Variants in NEURL4 observed in about 807,000 individuals in gnomAD.
NEURL4 encodes the protein neuralized-like protein 4.
A neutral mutation model predicts 148.0 loss-of-function variants in NEURL4; 45 were observed. That is an observed-to-expected ratio of 0.30 (90% confidence interval 0.24 to 0.39). The LOEUF (loss-of-function observed/expected upper bound fraction) is 0.39, where lower values mean the gene tolerates loss of function less well. NEURL4 is among the 10% of genes least tolerant of loss of function. The pLI is 1.00. For synonymous variants in NEURL4, 854 were observed against 869.0 expected (o/e 0.98, Z 0.30); for missense variants, 1,776 against 2,144.0 (o/e 0.83, Z 3.39).
intron 8 of NEURL4, 65 bp downstream of exon 8, chr17:7,325,144 T>TTGGGGGGGG: frequency 8.4e-5 from 80 of 956,332 alleles, no homozygotes; most frequent in Non-Finnish European, 1.2e-4. Context: ...TCCACTTCCT[T>TTGGGGGGGG]GCCCCGCCCC....
rs2073115522 is a variant in NEURL4 at position 7,327,309 on chromosome 17, C to T, written c.728-79G>A. The T allele has an allele frequency of 6.8e-7, 1 of 1,466,500 alleles. No homozygotes were observed. The highest frequency in any genetic ancestry group is 1.4e-5 in the African/African-American group (1 of 71,024). 90.8% of individuals were successfully genotyped at this position (1,466,500 alleles called of 1,614,324 possible). A position where few individuals can be genotyped will look rare whatever the true frequency, so the allele number is the denominator to read the frequency against. The stretch of plus-strand genomic sequence containing the variant: ...CCCATAGCCAGGAGAACCCCCCATC[C>T]TCTAGCTCCTGCTCTCCCATTCAAC... On this transcript the variant is annotated intron_variant, in intron 2 of 28. Coordinates refer to ENST00000399464, the MANE Select transcript of NEURL4 (RefSeq NM_032442.3). This position sits in a 1 kb window ranked among gnomAD's most constrained non-coding sequence, Gnocchi z 6.6.
At position 7,324,602 on chromosome 17, in the gene NEURL4, TTTC is replaced by T; in HGVS notation, c.1814-125_1814-123del. On this transcript the variant is annotated intron_variant, in intron 9 of 28. Transcript: ENST00000399464. This position sits in a 1 kb window ranked among gnomAD's most constrained non-coding sequence, Gnocchi z 5.9. Reference sequence around the variant, plus strand: ...CCTTGCCTTTTCTTTGATGACTAGATTTCTTCCCTGAGCAGGACAAGAAAACTC... The same window carrying T: ...CCTTGCCTTTTCTTTGATGACTAGATTTCCCTGAGCAGGACAAGAAAACTC... 1 of 1,111,332 alleles carries T rather than the reference TTTC, an allele frequency of 9.0e-7. No homozygotes were observed. Among genetic ancestry groups the T allele is most frequent in the Non-Finnish European group, 1.3e-6 (1 of 754,346 alleles). The allele number at this position is 1,111,332 out of a possible 1,614,324, so 68.8% of individuals were successfully genotyped here. A position where few individuals can be genotyped will look rare whatever the true frequency, so the allele number is the denominator to read the frequency against.
At position 7,324,296 on chromosome 17, in the gene NEURL4, A is replaced by G; in HGVS notation, c.1900-26T>C. The G allele has an allele frequency of 1.2e-6, 2 of 1,613,360 alleles. No homozygotes were observed. The highest frequency in any genetic ancestry group is 1.7e-6 in the Non-Finnish European group (2 of 1,179,466). On this transcript the variant is annotated intron_variant, in intron 10 of 28. Transcript: ENST00000399464. The surrounding 1 kb of genome is among the most constrained non-coding windows in gnomAD (Gnocchi z 5.9). The stretch of plus-strand genomic sequence containing the variant: ...CTTGGAAGAAGGGGGTGCTGGAGTG[A>G]GGAGTCAGGCAGAGTTCCTGCCGGG...
rs1226585862 is a variant in NEURL4 at position 7,318,365 on chromosome 17, G to C, written c.3865-9C>G. ...GGGTTCACGATTGTCACCTGCAGGGGAGAGGGTAGTCAGACAGAGCTTGGT... is the reference window on the plus strand; with the variant it reads ...GGGTTCACGATTGTCACCTGCAGGGCAGAGGGTAGTCAGACAGAGCTTGGT... On this transcript the variant is annotated splice_polypyrimidine_tract_variant and intron_variant, in intron 23 of 28. Coordinates refer to ENST00000399464, the MANE Select transcript of NEURL4 (RefSeq NM_032442.3). The surrounding 1 kb of genome is among the most constrained non-coding windows in gnomAD (Gnocchi z 4.3). 8.7e-6 allele frequency: 14 copies of C among 1,613,916 alleles called. No individual in the cohort carries two copies. Among genetic ancestry groups the C allele is most frequent in the Non-Finnish European group, 1.2e-5 (14 of 1,179,866 alleles).
At chr17:7,316,364 C>A (rs746601137) in intron 28 of NEURL4, 37 bp from the exon 29 acceptor site, 1 of 1,540,034 alleles carries the variant, frequency 6.5e-7, no homozygotes, top group African/African-American at 1.4e-5. Context: ...TGAAGCCTCT[C>A]GCCCCATCAC....
In NEURL4 at chr17:7,315,890, G is replaced by T. The variant is rs1429986008; in HGVS notation, c.*233C>A. 2 of 593,852 alleles carry T rather than the reference G, an allele frequency of 3.4e-6. No individual in the cohort carries two copies. The highest frequency in any genetic ancestry group is 6.0e-6 in the Non-Finnish European group (2 of 332,972). 36.8% of individuals were successfully genotyped at this position (593,852 alleles called of 1,614,324 possible). A position where few individuals can be genotyped will look rare whatever the true frequency, so the allele number is the denominator to read the frequency against. On this transcript the variant is annotated 3_prime_UTR_variant, in exon 29 of 29. Coordinates refer to ENST00000399464, the MANE Select transcript of NEURL4 (RefSeq NM_032442.3). ...TCAGTGCATGAAGAGGGGTACCAGG[G>T]CCTGGAGCTGGGCTCCCACGACTCC...
rs1320366049 is a variant in NEURL4 at position 7,321,066 on chromosome 17, C to G, written c.3360+46G>C. ...AAAGGCCTGGCATCCAACGGCCCAG[C>G]AACTGCCCATCCATGTGCACAGCAG... On this transcript the variant is annotated intron_variant, in intron 20 of 28. Transcript: ENST00000399464. The surrounding 1 kb of genome is among the most constrained non-coding windows in gnomAD (Gnocchi z 6.3). 6.2e-7 allele frequency: 1 copy of G among 1,601,284 alleles called. No individual in the cohort carries two copies. The highest frequency in any genetic ancestry group is 1.3e-5 in the African/African-American group (1 of 74,604).
chr17:7,326,992 G>A lies in NEURL4; in HGVS notation c.811C>T (p.Leu271=). 1.2e-6 allele frequency: 2 copies of A among 1,611,434 alleles called. No homozygotes were observed. Among genetic ancestry groups the A allele is most frequent in the Non-Finnish European group, 1.7e-6 (2 of 1,179,996 alleles). Reference sequence around the variant, plus strand: ...ATGGTGTTGCTCACCACCTCAGACAGCTCCATGTTGGCAAAGTCTATAGCA... The same window carrying A: ...ATGGTGTTGCTCACCACCTCAGACAACTCCATGTTGGCAAAGTCTATAGCA... ...ESHNDFANME[L]SEVVSNTILS... Residue 271 remains leucine, a synonymous_variant, in exon 4 of 29, where the codon CTG becomes TTG. Transcript: ENST00000399464. This position sits in a 1 kb window ranked among gnomAD's most constrained non-coding sequence, Gnocchi z 6.0.
Position 7,318,175 on chromosome 17 carries a change from G to A in NEURL4, c.3953-3C>T. On this transcript the variant is annotated splice_region_variant and splice_polypyrimidine_tract_variant and intron_variant, in intron 24 of 28. Coordinates refer to ENST00000399464, the MANE Select transcript of NEURL4 (RefSeq NM_032442.3). This position sits in a 1 kb window ranked among gnomAD's most constrained non-coding sequence, Gnocchi z 4.3. ...CCAGCACACACTCTCTTTGATACCT[G>A]AGGGAGCAGAGGGGCACAGGTCACA... is the stretch of plus-strand genomic sequence containing the variant. 6.2e-7 allele frequency: 1 copy of A among 1,613,760 alleles called. No individual in the cohort carries two copies. The highest frequency in any genetic ancestry group is 1.1e-5 in the South Asian group (1 of 91,084).
rs1318174406 is a variant in NEURL4, at chr17:7,329,263, G to A, written c.50C>T (p.Pro17Leu). 2 of 570,078 alleles carry A rather than the reference G, an allele frequency of 3.5e-6. No individual in the cohort carries two copies. Among genetic ancestry groups the A allele is most frequent in the African/African-American group, 3.1e-5 (1 of 32,058 alleles). 35.3% of individuals were successfully genotyped at this position (570,078 alleles called of 1,614,324 possible). Residue 17 changes from proline (P) to leucine (L), a missense_variant, in exon 1 of 29, where the codon CCG becomes CTG. Pro to Leu is a moderately conservative substitution (Grantham distance 98). Coordinates refer to ENST00000399464, the MANE Select transcript of NEURL4 (RefSeq NM_032442.3). Reference sequence around the variant, plus strand: ...GGGGCCCCCACCCCCGCCCGGCCCCGGTCCAGGGCCTCCCCCAGAGCCCCC... The same window carrying A: ...GGGGCCCCCACCCCCGCCCGGCCCCAGTCCAGGGCCTCCCCCAGAGCCCCC... ...GSGGSGGGPGPGPGGGGGPSG... is the reference protein window; with the variant it reads ...GSGGSGGGPGLGPGGGGGPSG...
chr17:7,327,193 C>T lies in NEURL4; in HGVS notation c.765G>A (p.Thr255=), dbSNP rs144660042. 87 of 1,612,216 alleles carry T rather than the reference C, an allele frequency of 5.4e-5. No homozygotes were observed. The highest frequency in any genetic ancestry group is 4.5e-4 in the African/African-American group (34 of 75,018). The change falls in exon 3 of 29, where the codon ACG becomes ACA. Residue 255 remains threonine (T), a synonymous_variant. Transcript: ENST00000399464. This position sits in a 1 kb window ranked among gnomAD's most constrained non-coding sequence, Gnocchi z 6.6. The stretch of plus-strand genomic sequence containing the variant: ...TATGCGACTCAAGGCTGTTAGGAAA[C>T]GTCTCCGGCCGGGCCTGCGCTGGGG... ...MVSPAQARPE[T]FPNSLESHND...
chr17:7,320,899 G>T lies in NEURL4; in HGVS notation c.3385C>A (p.Pro1129Thr). 6.2e-7 allele frequency: 1 copy of T among 1,614,060 alleles called. No individual in the cohort carries two copies. The stretch of plus-strand genomic sequence containing the variant: ...TTCTCCAGGAACTCGAGGGTGGTGG[G>T]TATAATACCCACTTCATTCTGGCCC... ...LGGQNEVGIIPTTLEFLENHG... is the reference protein window; with the variant it reads ...LGGQNEVGIITTTLEFLENHG... The change falls in exon 21 of 29, where the codon CCC becomes ACC. Residue 1129 changes from proline (P) to threonine (T), a missense_variant. Transcript: ENST00000399464.
chr17:7,325,144 T>TTGGGGGGGGGGG, intron 8 of NEURL4, 65 bp downstream of exon 8: 101 of 956,304 alleles, frequency 1.1e-4, no homozygotes, highest in Non-Finnish European at 1.3e-4. Context: ...TCCACTTCCT[T>TTGGGGGGGGGGG]GCCCCGCCCC....
chr17:7,319,518 T>C (rs547908355), intron 21 of NEURL4, among the ~76,000 whole-genome samples: 196 of 150,406 alleles, frequency 1.3e-3, no homozygotes, highest in South Asian at 7.6e-3. Flanking sequence ...CTGACCAACA[T>C]GGTGAAACTC....
chr17:7,319,631 T>G (rs1240553270), intron 21 of NEURL4, among the ~76,000 whole-genome samples: 9 of 143,172 alleles, frequency 6.3e-5, no homozygotes, highest in Non-Finnish European at 1.2e-4. Context: ...ACCCGGGAGG[T>G]GGAGGTTGCG....
Position 7,323,851 on chromosome 17 carries a change from G to C in NEURL4, c.2224C>G (p.Arg742Gly), listed in dbSNP as rs770040214. The part of the protein sequence containing the change: ...GGRTALRHNC[R>G]SEFNDAIVIS... Reference sequence around the variant, plus strand: ...ACGATGGCGTCATTAAACTCGCTGCGACAGTTGTGGCGGAGGGCGGTGCGG... The same window carrying C: ...ACGATGGCGTCATTAAACTCGCTGCCACAGTTGTGGCGGAGGGCGGTGCGG... Residue 742 changes from arginine (R) to glycine (G), a missense_variant, in exon 12 of 29, where the codon CGC becomes GGC. Arg to Gly is a moderately radical substitution (Grantham distance 125). Coordinates refer to ENST00000399464, the MANE Select transcript of NEURL4 (RefSeq NM_032442.3). The C allele has an allele frequency of 1.2e-6, 2 of 1,614,124 alleles. No homozygotes were observed. Among genetic ancestry groups the C allele is most frequent in the Middle Eastern group, 1.6e-4 (1 of 6,062 alleles).
Position 7,317,383 on chromosome 17 carries a change from C to T in NEURL4, c.4319-13G>A. 6.3e-7 allele frequency: 1 copy of T among 1,591,338 alleles called. No homozygotes were observed. Among genetic ancestry groups the T allele is most frequent in the Middle Eastern group, 1.7e-4 (1 of 5,930 alleles). On this transcript the variant is annotated splice_polypyrimidine_tract_variant and intron_variant, in intron 27 of 28. Transcript: ENST00000399464. Reference sequence around the variant, plus strand: ...ATGGAGGCAGTACCTGGGAGGAGAACTGGGTCAGGATAGCCCTTTTTATTC... The same window carrying T: ...ATGGAGGCAGTACCTGGGAGGAGAATTGGGTCAGGATAGCCCTTTTTATTC...
At position 7,324,083 on chromosome 17, in the gene NEURL4, A is replaced by C; in HGVS notation, c.2062+25T>G. On this transcript the variant is annotated intron_variant, in intron 11 of 28. Coordinates refer to ENST00000399464, the MANE Select transcript of NEURL4 (RefSeq NM_032442.3). This position sits in a 1 kb window ranked among gnomAD's most constrained non-coding sequence, Gnocchi z 5.9. Reference sequence around the variant, plus strand: ...ACCTCCCAAGGCCACCCTAACCCCCAGCCCCAGCCCAGCCCGGCCCTCACC... The same window carrying C: ...ACCTCCCAAGGCCACCCTAACCCCCCGCCCCAGCCCAGCCCGGCCCTCACC... 6.2e-7 allele frequency: 1 copy of C among 1,610,648 alleles called. No homozygotes were observed. Among genetic ancestry groups the C allele is most frequent in the Non-Finnish European group, 8.5e-7 (1 of 1,179,618 alleles).
In NEURL4 at chr17:7,318,113, C is replaced by G; in HGVS notation, c.4012G>C (p.Glu1338Gln). ...PPAASPLKSC[E>Q]YHALCSRFQE... ...AAGCGAGAGCAAAGGGCATGGTACTCGCAGCTCTTTAGAGGACTAGCGGCA... is the reference window on the plus strand; with the variant it reads ...AAGCGAGAGCAAAGGGCATGGTACTGGCAGCTCTTTAGAGGACTAGCGGCA... The change falls in exon 25 of 29, where the codon GAG (glutamate) becomes CAG (glutamine). Residue 1338 changes from glutamate (E) to glutamine (Q), a missense_variant. By Grantham distance (29) the Glu-to-Gln change is conservative. Coordinates refer to ENST00000399464, the MANE Select transcript of NEURL4 (RefSeq NM_032442.3). The surrounding 1 kb of genome is among the most constrained non-coding windows in gnomAD (Gnocchi z 4.3). The G allele has an allele frequency of 6.2e-7, 1 of 1,614,170 alleles. No homozygotes were observed. Among genetic ancestry groups the G allele is most frequent in the South Asian group, 1.1e-5 (1 of 91,080 alleles).
Sources: gnomAD v4.1 joint callset for allele counts (sites outside exome capture counted in the v4.1 genomes callset) on GRCh38, gnomAD v4.1.1 for gene constraint, Gnocchi (gnomAD v3.1) non-coding constraint, MANE v1.5 for transcripts, NCBI Gene and HGNC (gene_info 2026-07-23, HGNC 2026-07-21) for gene names.